The following PPP2R2B variants were observed in gnomAD, a reference collection of about 807,000 sequenced individuals.
The protein encoded by PPP2R2B is protein phosphatase 2 regulatory subunit Bbeta, also known as serine/threonine-protein phosphatase 2A 55 kDa regulatory subunit B beta isoform.
In PPP2R2B, 5 loss-of-function variants were observed where a neutral mutation model predicts 46.0. That is an observed-to-expected ratio of 0.11 (90% CI 0.06 to 0.23). The LOEUF is 0.23. Among genes scored for constraint, PPP2R2B ranks in the 10% least tolerant of loss-of-function variants. The pLI is 1.00. For synonymous variants in PPP2R2B, 215 were observed against 206.7 expected (o/e 1.04, Z -0.34); for missense variants, 367 against 575.0 (o/e 0.64, Z 3.70).
chr5:146,884,042 A>G (rs1285356322), intron 1 of PPP2R2B, among the ~76,000 whole-genome samples: 1 of 149,348 alleles, frequency 6.7e-6, no homozygotes, highest in East Asian at 2.0e-4. Flanking sequence ...CCATGGTAGG[A>G]TATTTATATC....
At chr5:147,028,355 G>C (rs971569028) in intron 1 of PPP2R2B, among the ~76,000 whole-genome samples, 2 of 152,074 alleles carry the variant, frequency 1.3e-5, no homozygotes, top group African/African-American at 2.4e-5. Flanking sequence ...ACTGAATGCT[G>C]ATTTTTTTCA....
chr5:146,794,849 A>G (rs1164590384), intron 2 of PPP2R2B, among the ~76,000 whole-genome samples: 1 of 152,110 alleles, frequency 6.6e-6, no homozygotes, highest in Non-Finnish European at 1.5e-5. Flanking sequence ...TTTTTCCAGA[A>G]CCACTGACTC....
chr5:146,781,246 C>A (rs905767420), intron 2 of PPP2R2B, among the ~76,000 whole-genome samples: 90 of 144,554 alleles, frequency 6.2e-4, no homozygotes, highest in Non-Finnish European at 8.7e-4. Context: ...CAAATCACAT[C>A]ATAACAGTAG....
At chr5:147,048,176 T>C (rs536107931) in intron 1 of PPP2R2B, among the ~76,000 whole-genome samples, 4 of 152,290 alleles carry the variant, frequency 2.6e-5, no homozygotes, top group Non-Finnish European at 5.9e-5. Context: ...CTGTATACCT[T>C]AAAGAATAGA....
intron 1 of PPP2R2B, among the ~76,000 whole-genome samples, chr5:146,913,716 C>T (rs932144159): frequency 2.0e-5 from 3 of 152,126 alleles, no homozygotes; most frequent in African/African-American, 7.2e-5. Flanking sequence ...GGAACGCTCT[C>T]TAATACCATA....
At chr5:146,814,349 A>C (rs192607341) in intron 2 of PPP2R2B, among the ~76,000 whole-genome samples, 1 of 152,250 alleles carries the variant, frequency 6.6e-6, no homozygotes, top group East Asian at 1.9e-4. Flanking sequence ...CTTATGTTAC[A>C]GTAGGTAGCT....
At chr5:147,073,804 G>A (rs1022536349) in intron 2 of PPP2R2B, among the ~76,000 whole-genome samples, 5 of 152,116 alleles carry the variant, frequency 3.3e-5, no homozygotes, top group African/African-American at 9.7e-5. Flanking sequence ...TTGGGAGGCC[G>A]AGGCAGGCAG....
At chr5:146,605,748 C>G (rs770582260) in intron 7 of PPP2R2B, among the ~76,000 whole-genome samples, 49 of 152,214 alleles carry the variant, frequency 3.2e-4, no homozygotes, top group Non-Finnish European at 5.9e-4. Context: ...ACCTTTCTCC[C>G]CACTCCATTT....
chr5:146,591,342 G>T (rs1363728252), intron 9 of PPP2R2B, among the ~76,000 whole-genome samples: 1 of 152,172 alleles, frequency 6.6e-6, no homozygotes, highest in Non-Finnish European at 1.5e-5. Flanking sequence ...TTAAGCAAAG[G>T]TTAGATTTTG....
rs1272594091 is a variant in PPP2R2B at position 146,581,343 on chromosome 5, C to T, written c.*8604G>A. ...GAGGTTCTTCACACCTTTAAACAAC[C>T]AGATCTCGTGAGAACTTACTCACTA... On this transcript the variant is annotated 3_prime_UTR_variant, in exon 10 of 10. Coordinates refer to ENST00000394411, the MANE Select transcript of PPP2R2B (RefSeq NM_181675.4). The T allele has an allele frequency of 6.6e-6, 1 of 152,092 alleles. No homozygotes were observed. The highest frequency in any genetic ancestry group is 1.5e-5 in the Non-Finnish European group (1 of 68,028). 9.4% of individuals were successfully genotyped at this position (152,092 alleles called of 1,614,324 possible).
intron 2 of PPP2R2B, among the ~76,000 whole-genome samples, chr5:146,739,423 G>A (rs190334460): frequency 1.3e-5 from 2 of 152,272 alleles, no homozygotes; most frequent in East Asian, 3.9e-4. Flanking sequence ...CTGGCCAAAG[G>A]GCAAAGGATG....
intron 1 of PPP2R2B, chr5:147,081,175 A>C: frequency 6.5e-7 from 1 of 1,535,164 alleles, no homozygotes; most frequent in South Asian, 1.2e-5. Flanking sequence ...GTTAGGTAAG[A>C]GCTCCCAGTT....
At chr5:147,078,302 A>G (rs1366151673) in intron 2 of PPP2R2B, among the ~76,000 whole-genome samples, 1 of 152,204 alleles carries the variant, frequency 6.6e-6, no homozygotes, top group Non-Finnish European at 1.5e-5. Context: ...TAAGCAAATA[A>G]TAAACCTGCA....
intron 1 of PPP2R2B, among the ~76,000 whole-genome samples, chr5:146,970,734 T>A (rs975386192): frequency 4.6e-5 from 7 of 152,168 alleles, no homozygotes; most frequent in African/African-American, 1.7e-4. Flanking sequence ...TTGCGGCTCA[T>A]AAGAAGGTCA....
At position 146,979,761 on chromosome 5, in the gene PPP2R2B, G is replaced by C. The variant is rs1009642619; in HGVS notation, c.79+75904C>G. Among the ~76,000 whole-genome samples the C allele has an allele frequency of 6.6e-5, 10 of 152,106 alleles. 1 individual carries two copies. The highest frequency in any genetic ancestry group is 2.2e-4 in the African/African-American group (9 of 41,418). ...AATTTACAAATAAGGCATAGTCAGAGATTAACAACAATAACTCATAAAATA... is the reference window on the plus strand; with the variant it reads ...AATTTACAAATAAGGCATAGTCAGACATTAACAACAATAACTCATAAAATA... On this transcript the variant is annotated intron_variant, in intron 1 of 8. Transcript: ENST00000336640.
intron 5 of PPP2R2B, among the ~76,000 whole-genome samples, chr5:146,685,208 C>A (rs1561831323): frequency 6.6e-6 from 1 of 152,078 alleles, no homozygotes; most frequent in Non-Finnish European, 1.5e-5. Context: ...TAGTGAGGAA[C>A]AGGAGCTCTG....
intron 2 of PPP2R2B, among the ~76,000 whole-genome samples, chr5:146,824,158 T>C (rs1758431612): frequency 6.6e-6 from 1 of 152,228 alleles, no homozygotes; most frequent in East Asian, 1.9e-4. Context: ...TCAAATCTGA[T>C]GGCAACATAA....
At chr5:146,826,119 C>T (rs898153747) in intron 2 of PPP2R2B, among the ~76,000 whole-genome samples, 17 of 152,296 alleles carry the variant, frequency 1.1e-4, no homozygotes, top group Non-Finnish European at 2.1e-4. Context: ...TCATCATTGC[C>T]ACTTCCTCGG....
chr5:147,030,559 G>T (rs1333043254), intron 1 of PPP2R2B, among the ~76,000 whole-genome samples: 1 of 151,860 alleles, frequency 6.6e-6, no homozygotes, highest in Non-Finnish European at 1.5e-5. Flanking sequence ...AGGTTTATTT[G>T]TTTTATTTTG....
Sources: allele counts gnomAD v4.1 joint callset (sites outside exome capture counted in the v4.1 genomes callset), GRCh38; gene constraint gnomAD v4.1.1; transcripts MANE v1.5; gene names NCBI Gene and HGNC (gene_info 2026-07-23, HGNC 2026-07-21).